ASTN2: variants seen among roughly 807,000 people sequenced by gnomAD.
ASTN2 encodes astrotactin-2.
In ASTN2, 54 loss-of-function variants were observed where a neutral mutation model predicts 139.8. That is an observed-to-expected ratio of 0.39 (90% CI 0.31 to 0.48). The LOEUF (loss-of-function observed/expected upper bound fraction) is 0.48. Among genes scored for constraint, ASTN2 ranks in the 20% least tolerant of loss-of-function variants. The pLI is 0.95. For missense variants in ASTN2, 1,565 were observed against 1,725.1 expected (o/e 0.91, Z 1.64); for synonymous variants, 756 against 719.5 (o/e 1.05, Z -0.81).
At chr9:116,973,306 T>A (rs1056899210) in intron 10 of ASTN2, among the ~76,000 whole-genome samples, 6 of 149,846 alleles carry the variant, frequency 4.0e-5, no homozygotes, top group African/African-American at 7.4e-5. Flanking sequence ...TGATATGAAC[T>A]ATTATTATTA....
chr9:116,460,712 C>T (rs1588080394), intron 20 of ASTN2, among the ~76,000 whole-genome samples: 2 of 152,098 alleles, frequency 1.3e-5, no homozygotes, highest in Non-Finnish European at 2.9e-5. Flanking sequence ...GATGTATAAG[C>T]GGGGAAAGTT....
At chr9:116,786,372 G>A (rs1830376997) in intron 13 of ASTN2, among the ~76,000 whole-genome samples, 1 of 152,014 alleles carries the variant, frequency 6.6e-6, no homozygotes, top group African/African-American at 2.4e-5. Context: ...TCAGAGCAGG[G>A]GTTTTTATAT....
intron 16 of ASTN2, among the ~76,000 whole-genome samples, chr9:116,708,482 C>T (rs1186331852): frequency 6.6e-6 from 1 of 152,200 alleles, no homozygotes; most frequent in Non-Finnish European, 1.5e-5. Context: ...CTTCACACAG[C>T]CTGCAGACAA....
At chr9:116,597,323 T>TTTTTTTTTA (rs1854639440) in intron 19 of ASTN2, among the ~76,000 whole-genome samples, 1 of 134,672 alleles carries the variant, frequency 7.4e-6, no homozygotes, top group Admixed American at 7.4e-5. Flanking sequence ...TTTTTTTTTT[T>TTTTTTTTTA]GGAGATAAGA....
chr9:116,490,272 TAAAAAAAAAAAAAAAAAA>T lies in ASTN2; in HGVS notation c.3356-2790_3356-2773del, dbSNP rs140391473. 1.8e-3 allele frequency among the ~76,000 whole-genome samples: 70 copies of T among 37,912 alleles called. 3 individuals carry two copies. The highest frequency in any genetic ancestry group is 4.9e-3 in the African/African-American group (52 of 10,656). 24.9% of individuals were successfully genotyped at this position (37,912 alleles called of 152,430 possible). A position where few individuals can be genotyped will look rare whatever the true frequency, so the allele number is the denominator to read the frequency against. ...CCAGAGCAATGTATGTGATAAAAAG[TAAAAAAAAAAAAAAAAAA>T]AAAAAAAAAAAAAGGGGGCATTGGT... is the stretch of plus-strand genomic sequence containing the variant. On this transcript the variant is annotated intron_variant, in intron 19 of 22. Coordinates refer to ENST00000313400, the MANE Select transcript of ASTN2 (RefSeq NM_001365068.1).
chr9:116,940,832 G>T (rs558911163), intron 10 of ASTN2, among the ~76,000 whole-genome samples: 32 of 152,156 alleles, frequency 2.1e-4, no homozygotes, highest in Middle Eastern at 3.4e-3. Context: ...TTCCGGTCCC[G>T]CAAGCTCTAC....
intron 5 of ASTN2, among the ~76,000 whole-genome samples, chr9:117,066,545 G>A (rs2132698559): frequency 6.6e-6 from 1 of 150,384 alleles, no homozygotes; most frequent in African/African-American, 2.4e-5. Context: ...GTAATGGGAT[G>A]GCTGGGTCAA....
At chr9:116,687,586 G>C (rs1441759036) in intron 16 of ASTN2, among the ~76,000 whole-genome samples, 2 of 147,886 alleles carry the variant, frequency 1.4e-5, no homozygotes, top group African/African-American at 5.0e-5. Context: ...GGGCTGAGGA[G>C]ATCCGAGGAG....
chr9:116,974,469 T>C (rs1245655188), intron 10 of ASTN2, among the ~76,000 whole-genome samples: 3 of 151,598 alleles, frequency 2.0e-5, no homozygotes, highest in Non-Finnish European at 2.9e-5. Context: ...GTAGTCTCCG[T>C]GGTTTTATAA....
chr9:116,879,046 G>A (rs1047641400), intron 10 of ASTN2, among the ~76,000 whole-genome samples: 4 of 152,006 alleles, frequency 2.6e-5, no homozygotes, highest in Admixed American at 1.3e-4. Context: ...AGCCAGGAGA[G>A]CCCAGCATTA....
intron 3 of ASTN2, among the ~76,000 whole-genome samples, chr9:117,190,867 G>C (rs1240151458): frequency 1.3e-5 from 2 of 151,388 alleles, no homozygotes; most frequent in African/African-American, 4.9e-5. Context: ...CATATATTTT[G>C]TTCATTTGCT....
intron 16 of ASTN2, among the ~76,000 whole-genome samples, chr9:116,666,637 T>A (rs1190059074): frequency 6.6e-6 from 1 of 152,172 alleles, no homozygotes; most frequent in Non-Finnish European, 1.5e-5. Flanking sequence ...TCTTTTATAG[T>A]CTTTTGTATT....
intron 2 of ASTN2, among the ~76,000 whole-genome samples, chr9:117,289,359 G>A (rs904117523): frequency 1.3e-5 from 2 of 152,142 alleles, no homozygotes; most frequent in African/African-American, 2.4e-5. Context: ...AGTGACATCT[G>A]GGTCTTAGTG....
At chr9:116,573,749 G>T (rs1409160115) in intron 19 of ASTN2, among the ~76,000 whole-genome samples, 1 of 152,186 alleles carries the variant, frequency 6.6e-6, no homozygotes, top group African/African-American at 2.4e-5. Flanking sequence ...GAGACTCAGA[G>T]AAGTGAAGTG....
At chr9:117,227,901 A>G (rs1588109769) in intron 2 of ASTN2, among the ~76,000 whole-genome samples, 1 of 152,224 alleles carries the variant, frequency 6.6e-6, no homozygotes, top group African/African-American at 2.4e-5. Context: ...CTTTACACAG[A>G]AAGCAACCTG....
Position 116,620,365 on chromosome 9 carries a change from G to A in ASTN2, c.3151C>T (p.Leu1051Phe), listed in dbSNP as rs1163431840. Reference sequence around the variant, plus strand: ...AGCCCATTGGCATCAAAGGCGCTGAGGTCACACCTGCACCAGTCATCGATC... The same window carrying A: ...AGCCCATTGGCATCAAAGGCGCTGAAGTCACACCTGCACCAGTCATCGATC... Reference protein sequence around the residue: ...DVIDDWCRCDLSAFDANGLPN... With the variant: ...DVIDDWCRCDFSAFDANGLPN... The change falls in exon 18 of 23, where the codon CTC becomes TTC. Residue 1051 changes from leucine (L) to phenylalanine (F), a missense_variant. Coordinates refer to ENST00000313400, the MANE Select transcript of ASTN2 (RefSeq NM_001365068.1). 1.2e-6 allele frequency: 2 copies of A among 1,614,150 alleles called. No homozygotes were observed. Among genetic ancestry groups the A allele is most frequent in the Non-Finnish European group, 1.7e-6 (2 of 1,180,028 alleles).
At chr9:116,709,685 T>C (rs934445162) in intron 16 of ASTN2, among the ~76,000 whole-genome samples, 1 of 152,154 alleles carries the variant, frequency 6.6e-6, no homozygotes, top group African/African-American at 2.4e-5. Context: ...AAAGTATAAG[T>C]CAAGGTCATT....
Position 116,705,684 on chromosome 9 carries a change from T to C in ASTN2, c.2806+20087A>G, listed in dbSNP as rs1470313992. ...CAAAGAAAATCAGTCATGAATTTTG[T>C]AGTCAAGTAGCTTGTGGTCTGGCTG... On this transcript the variant is annotated intron_variant, in intron 16 of 22. Coordinates refer to ENST00000313400, the MANE Select transcript of ASTN2 (RefSeq NM_001365068.1). Among the ~76,000 whole-genome samples the C allele has an allele frequency of 1.8e-4, 27 of 149,998 alleles. No homozygotes were observed. In the Admixed American group the frequency reaches 1.8e-3, roughly 10 times the overall value.
intron 1 of ASTN2, among the ~76,000 whole-genome samples, chr9:117,397,148 G>T (rs796080173): frequency 2.4e-4 from 37 of 151,828 alleles, no homozygotes; most frequent in African/African-American, 8.7e-4. Flanking sequence ...TCACCATGCT[G>T]GCCAGGTTGT....
Sources: allele counts gnomAD v4.1 joint callset (sites outside exome capture counted in the v4.1 genomes callset), GRCh38; gene constraint gnomAD v4.1.1; transcripts MANE v1.5; gene names NCBI Gene and HGNC (gene_info 2026-07-23, HGNC 2026-07-21).